ITPKB: variants seen among roughly 807,000 people sequenced by gnomAD.
The protein encoded by ITPKB is IP3 3-kinase B.
A neutral mutation model predicts 69.4 loss-of-function variants in ITPKB; 13 were observed. The observed-to-expected ratio is 0.19, with a 90% CI of 0.12 to 0.30. The LOEUF (loss-of-function observed/expected upper bound fraction) is 0.30. Among genes scored for constraint, ITPKB ranks in the 10% least tolerant of loss-of-function variants. The pLI is 1.00. For synonymous variants in ITPKB, 584 were observed against 513.7 expected, an observed-to-expected ratio of 1.14 and a Z score of -1.85; for missense variants, 1,240 against 1,250.5, an observed-to-expected ratio of 0.99 and a Z score of 0.13.
chr1:226,679,764 G>A (rs911107918), intron 2 of ITPKB, among the ~76,000 whole-genome samples: 3 of 152,182 alleles, frequency 2.0e-5, no homozygotes, highest in Non-Finnish European at 4.4e-5. Context: ...TTTATCCAAT[G>A]ATCTGTAATG....
At position 226,736,843 on chromosome 1, in the gene ITPKB, C is replaced by A; in HGVS notation, c.616G>T (p.Gly206Trp). 2 of 1,612,526 alleles carry A rather than the reference C, an allele frequency of 1.2e-6. No homozygotes were observed. The highest frequency in any genetic ancestry group is 1.7e-6 in the Non-Finnish European group (2 of 1,180,020). ...RSEERRTKSW[G>W]EQCPETSGTD... ...CCTGAAGTCTCTGGACATTGCTCCC[C>A]CCAGGACTTTGTCCTCCGTTCCTCG... is the stretch of plus-strand genomic sequence containing the variant. The change falls in exon 2 of 8, where the codon GGG becomes TGG. Residue 206 changes from glycine (G) to tryptophan (W), a missense_variant. By Grantham distance (184) the Gly-to-Trp change is radical. This residue lies in a region of ITPKB where 992 missense variants were observed against 853.8 expected (regional missense o/e 1.16). Transcript: ENST00000429204.
chr1:226,727,094 C>T (rs373935301), intron 2 of ITPKB, among the ~76,000 whole-genome samples: 3 of 152,292 alleles, frequency 2.0e-5, no homozygotes, highest in African/African-American at 7.2e-5. Context: ...CTATAACAGT[C>T]GTCATCCTTT....
intron 2 of ITPKB, among the ~76,000 whole-genome samples, chr1:226,726,384 C>T (rs924668020): frequency 6.6e-6 from 1 of 152,198 alleles, no homozygotes. Flanking sequence ...GAAGGCCAGG[C>T]TCAGTGGCTC....
chr1:226,640,216 C>T (rs1668930766), intron 5 of ITPKB, among the ~76,000 whole-genome samples: 1 of 152,218 alleles, frequency 6.6e-6, no homozygotes, highest in African/African-American at 2.4e-5. Flanking sequence ...TGCTCCCTCG[C>T]CCACCCCACT....
chr1:226,677,396 G>A (rs1043968707), intron 2 of ITPKB, among the ~76,000 whole-genome samples: 23 of 152,306 alleles, frequency 1.5e-4, no homozygotes, highest in African/African-American at 5.5e-4. Context: ...GTGCAGAGGG[G>A]GAAGTACACA....
chr1:226,718,901 CAA>C (rs1306323117), intron 2 of ITPKB, among the ~76,000 whole-genome samples: 1 of 152,210 alleles, frequency 6.6e-6, no homozygotes, highest in Non-Finnish European at 1.5e-5. Context: ...TTACATCACA[CAA>C]AAATGTGTAC....
chr1:226,723,991 G>A (rs1657326365), intron 2 of ITPKB, among the ~76,000 whole-genome samples: 1 of 152,178 alleles, frequency 6.6e-6, no homozygotes, highest in South Asian at 2.1e-4. Context: ...AATTGGTGAA[G>A]GCGATTAGGG....
chr1:226,679,370 A>G lies in ITPKB; in HGVS notation c.1933-30599T>C, dbSNP rs991843740. Among the ~76,000 whole-genome samples, 23 of 152,206 alleles carry G rather than the reference A, an allele frequency of 1.5e-4. 1 individual carries two copies. The highest frequency in any genetic ancestry group is 3.4e-4 in the Non-Finnish European group (23 of 68,030). ...GGAGTTTTGGGAGGACCCTGACTTC[A>G]GAAGCAGAACTCTTTGAGTTCTTCT... On this transcript the variant is annotated intron_variant, in intron 2 of 7. Transcript: ENST00000429204.
chr1:226,732,825 C>T (rs1423907397), intron 2 of ITPKB, among the ~76,000 whole-genome samples: 3 of 152,170 alleles, frequency 2.0e-5, no homozygotes, highest in Non-Finnish European at 2.9e-5. Context: ...GCCTGAATTT[C>T]AGCCATTGCA....
chr1:226,647,178 C>T lies in ITPKB; in HGVS notation c.2235G>A (p.Lys745=), dbSNP rs760701330. Residue 745 remains lysine, a synonymous_variant, in exon 4 of 8, where the codon AAG becomes AAA. Coordinates refer to ENST00000429204, the MANE Select transcript of ITPKB (RefSeq NM_002221.4). ...GAAGCCTGGCTCACCTGATTCCCAT[C>T]TTGCAGTCCATCACACAGGGCGAGT... The part of the protein sequence containing the change: ...DFDSPCVMDC[K]MGIRTYLEEE... 6.2e-7 allele frequency: 1 copy of T among 1,614,202 alleles called. No homozygotes were observed. Among genetic ancestry groups the T allele is most frequent in the East Asian group, 2.2e-5 (1 of 44,886 alleles).
intron 2 of ITPKB, among the ~76,000 whole-genome samples, chr1:226,719,419 G>A (rs764147202): frequency 6.6e-6 from 1 of 152,156 alleles, no homozygotes; most frequent in Non-Finnish European, 1.5e-5. Context: ...TGGCCTTTAC[G>A]ATGGAGGCCA....
intron 2 of ITPKB, among the ~76,000 whole-genome samples, chr1:226,691,208 AT>A (rs1656340908): frequency 2.0e-5 from 3 of 151,832 alleles, no homozygotes; most frequent in African/African-American, 7.3e-5. Flanking sequence ...AAAATGGTGA[AT>A]TTTATGTTAT....
chr1:226,737,410 C>G lies in ITPKB; in HGVS notation c.49G>C (p.Ala17Pro). The G allele has an allele frequency of 2.5e-6, 4 of 1,611,390 alleles. No homozygotes were observed. Among genetic ancestry groups the G allele is most frequent in the Non-Finnish European group, 3.4e-6 (4 of 1,179,626 alleles). ...ALNSLVIMNS[A>P]NEMKSGGGPG... ...CCGCCGCCGCTCTTCATCTCGTTGG[C>G]GCTATTCATGATCACCAGGCTATTG... is the stretch of plus-strand genomic sequence containing the variant. The change falls in exon 2 of 8, where the codon GCC (alanine) becomes CCC (proline). Residue 17 changes from alanine (A) to proline (P), a missense_variant. Around this residue, in one of 2 missense-constraint regions of ITPKB, gnomAD observed 992 missense variants for 853.8 expected, o/e 1.16. Coordinates refer to ENST00000429204, the MANE Select transcript of ITPKB (RefSeq NM_002221.4).
intron 2 of ITPKB, among the ~76,000 whole-genome samples, chr1:226,653,136 T>G (rs1669228084): frequency 6.6e-6 from 1 of 152,218 alleles, no homozygotes; most frequent in Non-Finnish European, 1.5e-5. Flanking sequence ...TCCTATGTTC[T>G]AGTTAGGAGT....
intron 2 of ITPKB, among the ~76,000 whole-genome samples, chr1:226,654,439 C>T (rs1330434461): frequency 6.6e-6 from 1 of 152,180 alleles, no homozygotes; most frequent in Non-Finnish European, 1.5e-5. Flanking sequence ...TTTTGTCTCC[C>T]TTTTCCTCTT....
chr1:226,654,952 G>C (rs1669262664), intron 2 of ITPKB, among the ~76,000 whole-genome samples: 1 of 151,928 alleles, frequency 6.6e-6, no homozygotes, highest in Non-Finnish European at 1.5e-5. Context: ...GGAGGAGGAA[G>C]AGGAGGGAGG....
intron 2 of ITPKB, among the ~76,000 whole-genome samples, chr1:226,693,321 C>A (rs1033383721): frequency 1.3e-5 from 2 of 152,208 alleles, no homozygotes; most frequent in Non-Finnish European, 2.9e-5. Context: ...CTTTCCCTAG[C>A]TGGTCTAAAC....
chr1:226,714,276 T>C (rs1040995119), intron 2 of ITPKB, among the ~76,000 whole-genome samples: 8 of 152,362 alleles, frequency 5.3e-5, no homozygotes, highest in African/African-American at 1.9e-4. Context: ...TGATTCACCA[T>C]GTTCTCATTC....
intron 2 of ITPKB, among the ~76,000 whole-genome samples, chr1:226,650,232 C>A (rs1015074703): frequency 2.0e-5 from 3 of 152,192 alleles, no homozygotes; most frequent in African/African-American, 7.2e-5. Flanking sequence ...GAGACTCAGC[C>A]GCTTCTGTCA....
Sources: gnomAD v4.1 joint callset for allele counts (sites outside exome capture counted in the v4.1 genomes callset) on GRCh38, gnomAD v4.1.1 for gene constraint, gnomAD v4.1.1 regional missense constraint, MANE v1.5 for transcripts, NCBI Gene and HGNC (gene_info 2026-07-23, HGNC 2026-07-21) for gene names.